Variants in MAML3 observed in about 807,000 individuals in gnomAD.
MAML3 encodes mastermind like transcriptional coactivator 3.
In MAML3, 27 loss-of-function variants were observed where a neutral mutation model predicts 101.9. That is an observed-to-expected ratio of 0.27 (90% CI 0.20 to 0.37). MAML3 has a LOEUF of 0.37. MAML3 is among the 10% of genes least tolerant of loss of function. The pLI is 1.00. For missense variants in MAML3, 1,316 were observed against 1,444.9 expected (o/e 0.91, Z 1.45); for synonymous variants, 501 against 555.9 (o/e 0.90, Z 1.39).
intron 1 of MAML3, among the ~76,000 whole-genome samples, chr4:140,032,879 TAAAA>T (rs34897100): frequency 0.097 from 13,367 of 137,732 alleles, 1,909 homozygotes; most frequent in African/African-American, 0.31. Context: ...TCATTGTTTG[TAAAA>T]AAAAAAAAAA....
At chr4:140,091,557 A>AAAAAAAAG (rs1728053104) in intron 1 of MAML3, among the ~76,000 whole-genome samples, 1 of 150,682 alleles carries the variant, frequency 6.6e-6, no homozygotes, top group African/African-American at 2.4e-5. Flanking sequence ...ACAAAAAAAA[A>AAAAAAAAG]AAACAGGACC....
chr4:139,734,965 C>T (rs1175318597), intron 2 of MAML3, among the ~76,000 whole-genome samples: 1 of 152,230 alleles, frequency 6.6e-6, no homozygotes, highest in African/African-American at 2.4e-5. Context: ...CCGTTCTTCC[C>T]GCGCCCCAGC....
rs34701956 is a variant in MAML3 at position 140,067,200 on chromosome 4, GGT to G, written c.468+85658_468+85659del. Among the ~76,000 whole-genome samples the G allele has an allele frequency of 4.2e-3, 630 of 149,702 alleles. 1 individual carries two copies. Among genetic ancestry groups the G allele is most frequent in the Non-Finnish European group, 7.3e-3 (490 of 67,360 alleles). On this transcript the variant is annotated intron_variant, in intron 1 of 4. Transcript: ENST00000509479. Reference sequence around the variant, plus strand: ...TGGGCCATTCAGAACAAATTTTAGGGGTGTGTGTGTGTGTGTGTGTGTGTGAG... The same window carrying G: ...TGGGCCATTCAGAACAAATTTTAGGGGTGTGTGTGTGTGTGTGTGTGTGAG...
At chr4:139,774,808 T>C (rs1186761624) in intron 2 of MAML3, among the ~76,000 whole-genome samples, 1 of 152,222 alleles carries the variant, frequency 6.6e-6, no homozygotes, top group Non-Finnish European at 1.5e-5. Flanking sequence ...TGAACTGCTA[T>C]ATGATATCTT....
chr4:139,768,228 G>GTA (rs1352143927), intron 2 of MAML3, among the ~76,000 whole-genome samples: 1 of 132,812 alleles, frequency 7.5e-6, no homozygotes, highest in Non-Finnish European at 1.7e-5. Context: ...ATAGTTGTGT[G>GTA]TGTGTGTGTG....
chr4:140,148,722 T>C (rs773842762), intron 1 of MAML3, among the ~76,000 whole-genome samples: 29 of 152,232 alleles, frequency 1.9e-4, no homozygotes, highest in Admixed American at 3.9e-4. Flanking sequence ...GACTAATATG[T>C]TGACATTTCC....
At chr4:140,151,619 G>C (rs916143053) in intron 1 of MAML3, among the ~76,000 whole-genome samples, 4 of 151,024 alleles carry the variant, frequency 2.6e-5, no homozygotes, top group African/African-American at 9.7e-5. Context: ...GGAAACAGGC[G>C]AAGGCGCGCG....
At chr4:139,743,615 T>C (rs974469528) in intron 2 of MAML3, among the ~76,000 whole-genome samples, 1 of 152,122 alleles carries the variant, frequency 6.6e-6, no homozygotes, top group Non-Finnish European at 1.5e-5. Context: ...ATGACAAACC[T>C]GGAAACTGAA....
chr4:139,781,553 C>T (rs985157099), intron 2 of MAML3, among the ~76,000 whole-genome samples: 12 of 139,222 alleles, frequency 8.6e-5, no homozygotes, highest in Admixed American at 2.4e-4. Context: ...ACACCCATTA[C>T]GGCTATTTTC....
In MAML3 at chr4:139,719,444, T is replaced by G. The variant is rs368733336; in HGVS notation, c.3296A>C (p.Asp1099Ala). The G allele has an allele frequency of 9.9e-6, 16 of 1,613,874 alleles. No homozygotes were observed. Among genetic ancestry groups the G allele is most frequent in the Non-Finnish European group, 1.3e-5 (15 of 1,179,894 alleles). ...GCCAGGGAAGGAACCCCCAGCTCCGTCGCCACTGTAATTGTATGACACGTC... is the reference window on the plus strand; with the variant it reads ...GCCAGGGAAGGAACCCCCAGCTCCGGCGCCACTGTAATTGTATGACACGTC... ...PQDVSYNYSG[D>A]GAGGSFPGLP... Residue 1099 changes from aspartate to alanine, a missense_variant, in exon 5 of 5, where the codon GAC (aspartate) becomes GCC (alanine). Asp to Ala is a moderately radical substitution (Grantham distance 126). Coordinates refer to ENST00000509479, the MANE Select transcript of MAML3 (RefSeq NM_018717.5).
At chr4:139,876,343 T>C (rs1477482487) in intron 2 of MAML3, among the ~76,000 whole-genome samples, 1 of 152,242 alleles carries the variant, frequency 6.6e-6, no homozygotes, top group Non-Finnish European at 1.5e-5. Context: ...AGTGCTGCTC[T>C]AGAGTTTGGA....
intron 2 of MAML3, among the ~76,000 whole-genome samples, chr4:139,765,758 C>T (rs1236039312): frequency 6.6e-6 from 1 of 152,070 alleles, no homozygotes; most frequent in Non-Finnish European, 1.5e-5. Flanking sequence ...GAGGCTGAGG[C>T]AGGAGGATCG....
intron 1 of MAML3, among the ~76,000 whole-genome samples, chr4:140,066,825 T>G (rs1224716845): frequency 6.6e-6 from 1 of 152,138 alleles, no homozygotes; most frequent in African/African-American, 2.4e-5. Flanking sequence ...CCCATCCAAT[T>G]TAAGTCTCAA....
At chr4:139,859,534 C>T (rs1054386155) in intron 2 of MAML3, among the ~76,000 whole-genome samples, 1 of 152,024 alleles carries the variant, frequency 6.6e-6, no homozygotes, top group Non-Finnish European at 1.5e-5. Context: ...ATGTAGAATA[C>T]CTTGTATACT....
rs1203945590 is a variant in MAML3 at position 139,776,344 on chromosome 4, TC to T, written c.2080-45678del. Among the ~76,000 whole-genome samples the T allele has an allele frequency of 4.6e-5, 7 of 152,176 alleles. No individual in the cohort carries two copies. In the East Asian group the frequency reaches 1.2e-3, roughly 25 times the overall value. On this transcript the variant is annotated intron_variant, in intron 2 of 4. Transcript: ENST00000509479. Reference sequence around the variant, plus strand: ...CTGATTATGTCTGAAATGGCTCCTGTCGTGATACAGTGCCCTGGAAACCTCC... The same window carrying T: ...CTGATTATGTCTGAAATGGCTCCTGTGTGATACAGTGCCCTGGAAACCTCC...
At chr4:140,136,137 C>T (rs1196557035) in intron 1 of MAML3, among the ~76,000 whole-genome samples, 1 of 152,190 alleles carries the variant, frequency 6.6e-6, no homozygotes, top group Non-Finnish European at 1.5e-5. Flanking sequence ...AACCTTTTGG[C>T]TCTCCCCACT....
Position 139,919,253 on chromosome 4 carries a change from A to C in MAML3, c.469-28286T>G, listed in dbSNP as rs1733080139. ...GGTCTTCATTGAAGAAGGGGGAGGA[A>C]GGGGGATGAAGGATCTCTCTAAGTC... On this transcript the variant is annotated intron_variant, in intron 1 of 4. Coordinates refer to ENST00000509479, the MANE Select transcript of MAML3 (RefSeq NM_018717.5). Among the ~76,000 whole-genome samples, 5 of 152,204 alleles carry C rather than the reference A, an allele frequency of 3.3e-5. No individual in the cohort carries two copies. In the South Asian group the frequency reaches 1.0e-3, roughly 32 times the overall value.
At chr4:139,737,777 G>A (rs1729003485) in intron 2 of MAML3, among the ~76,000 whole-genome samples, 1 of 152,194 alleles carries the variant, frequency 6.6e-6, no homozygotes, top group Admixed American at 6.5e-5. Context: ...AATTTTTACT[G>A]TGGGTTTGGA....
At chr4:140,123,849 G>A (rs1183300363) in intron 1 of MAML3, among the ~76,000 whole-genome samples, 1 of 152,110 alleles carries the variant, frequency 6.6e-6, no homozygotes, top group Admixed American at 6.5e-5. Flanking sequence ...AAAGGATAAA[G>A]GTGCAGGGAA....
Sources: allele counts gnomAD v4.1 joint callset (sites outside exome capture counted in the v4.1 genomes callset), GRCh38; gene constraint gnomAD v4.1.1; transcripts MANE v1.5; gene names NCBI Gene and HGNC (gene_info 2026-07-23, HGNC 2026-07-21).